Variants in CPNE4 observed in about 807,000 individuals in gnomAD.
CPNE4 encodes the protein copine 4.
CPNE4 carries 25 observed loss-of-function variants against 67.9 expected under a neutral mutation model. That is an observed-to-expected ratio of 0.37 (90% confidence interval 0.27 to 0.51). CPNE4 has a LOEUF of 0.51. CPNE4 is among the 20% of genes least tolerant of loss of function. The pLI is 0.93. For missense variants in CPNE4, 464 were observed against 690.8 expected, an observed-to-expected ratio of 0.67 and a Z score of 3.68; for synonymous variants, 242 against 244.9, an observed-to-expected ratio of 0.99 and a Z score of 0.11.
chr3:131,704,505 C>G (rs1037606604), intron 3 of CPNE4, among the ~76,000 whole-genome samples: 2 of 152,070 alleles, frequency 1.3e-5, no homozygotes, highest in South Asian at 2.1e-4. Flanking sequence ...ACTAATGCAC[C>G]CTTTATTTTA....
intron 5 of CPNE4, among the ~76,000 whole-genome samples, chr3:131,694,270 T>C (rs2081099762): frequency 6.6e-6 from 1 of 152,112 alleles, no homozygotes; most frequent in Non-Finnish European, 1.5e-5. Flanking sequence ...AAGTTTTAAC[T>C]GCAAACATGT....
At position 131,533,969 on chromosome 3, in the gene CPNE4, A is replaced by G. The variant is rs1935007774; in HGVS notation, c.*1226T>C. The G allele has an allele frequency of 6.6e-6, 1 of 152,206 alleles. No individual in the cohort carries two copies. Among genetic ancestry groups the G allele is most frequent in the Admixed American group, 6.5e-5 (1 of 15,278 alleles). 9.4% of individuals were successfully genotyped at this position (152,206 alleles called of 1,614,324 possible). Reference sequence around the variant, plus strand: ...TCGACCCCAGACAATAATTCCAGGCATTTCTGCTTATAGAATTTGTTCTCA... The same window carrying G: ...TCGACCCCAGACAATAATTCCAGGCGTTTCTGCTTATAGAATTTGTTCTCA... On this transcript the variant is annotated 3_prime_UTR_variant, in exon 16 of 16. Coordinates refer to ENST00000429747, the MANE Select transcript of CPNE4 (RefSeq NM_130808.3).
At chr3:131,763,440 G>C (rs540868764) in intron 2 of CPNE4, among the ~76,000 whole-genome samples, 2 of 152,182 alleles carry the variant, frequency 1.3e-5, no homozygotes, top group East Asian at 3.9e-4. Flanking sequence ...TTTAGCTCAA[G>C]TTAATGATAG....
intron 1 of CPNE4, among the ~76,000 whole-genome samples, chr3:132,011,370 TA>T (rs140770248): frequency 6.6e-6 from 1 of 152,178 alleles, no homozygotes; most frequent in Non-Finnish European, 1.5e-5. Flanking sequence ...GGATTCCTTG[TA>T]AAAAAGCTTG....
chr3:131,690,898 T>C (rs999532016), intron 5 of CPNE4, among the ~76,000 whole-genome samples: 4 of 152,152 alleles, frequency 2.6e-5, no homozygotes, highest in African/African-American at 7.2e-5. Flanking sequence ...GCAAAGGACA[T>C]GAGCAGACAC....
intron 3 of CPNE4, among the ~76,000 whole-genome samples, chr3:131,703,219 A>T (rs979395739): frequency 6.6e-6 from 1 of 152,224 alleles, no homozygotes; most frequent in African/African-American, 2.4e-5. Context: ...CAGAGTCACA[A>T]GGACTCTCAC....
At chr3:131,583,532 A>G (rs780262268) in intron 8 of CPNE4, among the ~76,000 whole-genome samples, 6 of 152,150 alleles carry the variant, frequency 3.9e-5, no homozygotes, top group Non-Finnish European at 8.8e-5. Context: ...ATCAAGCAGG[A>G]TATATTGAGT....
intron 1 of CPNE4, among the ~76,000 whole-genome samples, chr3:131,948,204 C>A (rs757922241): frequency 6.6e-6 from 1 of 152,082 alleles, no homozygotes; most frequent in African/African-American, 2.4e-5. Flanking sequence ...TCCCCATAGT[C>A]CCCACATGTC....
chr3:132,037,413 A>T (rs2074358827), upstream of CPNE4: 6 of 647,514 alleles, frequency 9.3e-6, no homozygotes, highest in Admixed American at 5.0e-5. Context: ...TCTTATATGA[A>T]ATCAACAGCT....
rs1268297737 is a variant in CPNE4 at position 131,991,062 on chromosome 3, T to G, written c.-2+43505A>C. On this transcript the variant is annotated intron_variant, in intron 1 of 15. Coordinates refer to ENST00000429747, the MANE Select transcript of CPNE4 (RefSeq NM_130808.3). ...CTCCTTCCCCATGCCGAACTGTGAG[T>G]CAATTAAACCTCTTTCCTTTATAAA... Among the ~76,000 whole-genome samples the G allele has an allele frequency of 8.8e-5, 12 of 136,356 alleles. 2 individuals carry two copies. Among genetic ancestry groups the G allele is most frequent in the African/African-American group, 3.0e-4 (12 of 40,674 alleles). 89.5% of individuals were successfully genotyped at this position (136,356 alleles called of 152,430 possible).
chr3:131,671,069 T>G (rs1446615616), intron 6 of CPNE4, among the ~76,000 whole-genome samples: 1 of 152,216 alleles, frequency 6.6e-6, no homozygotes, highest in Non-Finnish European at 1.5e-5. Flanking sequence ...ATTACAAGCG[T>G]GAGCCACAGC....
chr3:131,856,996 T>G (rs1184969636), intron 2 of CPNE4, among the ~76,000 whole-genome samples: 2 of 152,070 alleles, frequency 1.3e-5, no homozygotes, highest in Non-Finnish European at 2.9e-5. Flanking sequence ...TAATTATTTC[T>G]GTTTATAAGA....
chr3:131,892,925 T>C (rs2088174148), intron 2 of CPNE4, among the ~76,000 whole-genome samples: 1 of 151,454 alleles, frequency 6.6e-6, no homozygotes, highest in Non-Finnish European at 1.5e-5. Flanking sequence ...GAAGAAAGAA[T>C]TTTAAAAAAA....
intron 2 of CPNE4, among the ~76,000 whole-genome samples, chr3:131,763,431 T>G (rs1431688640): frequency 6.6e-6 from 1 of 152,138 alleles, no homozygotes; most frequent in Non-Finnish European, 1.5e-5. Flanking sequence ...GCAGTGTAAT[T>G]TAGCTCAAGT....
chr3:131,771,342 T>C (rs1051858375), intron 2 of CPNE4, among the ~76,000 whole-genome samples: 1 of 152,146 alleles, frequency 6.6e-6, no homozygotes, highest in Non-Finnish European at 1.5e-5. Flanking sequence ...CCAAACCTCA[T>C]GTTGAAACTC....
intron 7 of CPNE4, among the ~76,000 whole-genome samples, chr3:131,663,591 TA>T (rs2080183460): frequency 6.6e-6 from 1 of 152,184 alleles, no homozygotes; most frequent in Admixed American, 6.5e-5. Flanking sequence ...TGAAAATTGT[TA>T]AAATGAAGAC....
intron 2 of CPNE4, among the ~76,000 whole-genome samples, chr3:131,796,986 C>A (rs1253620930): frequency 3.3e-5 from 5 of 152,170 alleles, no homozygotes; most frequent in Non-Finnish European, 7.4e-5. Flanking sequence ...AGAATGGTTT[C>A]TATTTACTCC....
intron 2 of CPNE4, among the ~76,000 whole-genome samples, chr3:131,787,417 CT>C (rs1455048692): frequency 6.6e-6 from 1 of 152,172 alleles, no homozygotes; most frequent in Non-Finnish European, 1.5e-5. Flanking sequence ...CAAATACGAT[CT>C]GTCAGAATTG....
At chr3:131,742,941 A>G (rs931751736) in intron 2 of CPNE4, among the ~76,000 whole-genome samples, 3 of 152,190 alleles carry the variant, frequency 2.0e-5, no homozygotes, top group African/African-American at 7.2e-5. Context: ...CTTAATATTC[A>G]TCTTAATAAA....
Sources: gnomAD v4.1 joint callset for allele counts (sites outside exome capture counted in the v4.1 genomes callset) on GRCh38, gnomAD v4.1.1 for gene constraint, MANE v1.5 for transcripts, NCBI Gene and HGNC (gene_info 2026-07-23, HGNC 2026-07-21) for gene names.